Variants in PCNX1 observed in about 807,000 individuals in gnomAD.
The protein encoded by PCNX1 is pecanex-like protein 1.
In PCNX1, 78 loss-of-function variants were observed where a neutral mutation model predicts 242.2. That is an observed-to-expected ratio of 0.32 (90% CI 0.27 to 0.39). The LOEUF (loss-of-function observed/expected upper bound fraction) is 0.39. Ranked by LOEUF, PCNX1 falls within the 10% of genes least tolerant of loss-of-function variation. The pLI is 1.00. For missense variants in PCNX1, 2,581 were observed against 2,856.5 expected (o/e 0.90, Z 2.20); for synonymous variants, 1,024 against 1,032.9 (o/e 0.99, Z 0.17).
chr14:71,080,843 A>ATT (rs760015678), intron 28 of PCNX1, among the ~76,000 whole-genome samples: 46 of 152,132 alleles, frequency 3.0e-4, no homozygotes, highest in Admixed American at 1.2e-3. Context: ...CTCTCTTCCT[A>ATT]TTTAAATACC....
intron 30 of PCNX1, among the ~76,000 whole-genome samples, chr14:71,092,275 A>C (rs1278638119): frequency 1.3e-5 from 2 of 152,252 alleles, no homozygotes; most frequent in South Asian, 2.1e-4. Context: ...ATACCTTTTC[A>C]TCTCATGTTG....
intron 26 of PCNX1, among the ~76,000 whole-genome samples, chr14:71,063,935 G>A (rs2061384901): frequency 6.6e-6 from 1 of 151,990 alleles, no homozygotes; most frequent in Non-Finnish European, 1.5e-5. Flanking sequence ...AGAATTTTCT[G>A]ATTACACTTT....
intron 26 of PCNX1, among the ~76,000 whole-genome samples, chr14:71,066,593 C>G (rs868129312): frequency 2.0e-5 from 3 of 152,068 alleles, no homozygotes; most frequent in African/African-American, 4.8e-5. Context: ...ATTTAAATAC[C>G]CTTTATTTCT....
chr14:70,935,166 C>T (rs937552522), intron 1 of PCNX1, among the ~76,000 whole-genome samples: 3 of 152,148 alleles, frequency 2.0e-5, no homozygotes. Flanking sequence ...ATACAAGTAT[C>T]GTTCATCAGG....
rs144840810 is a variant in PCNX1 at position 71,062,476 on chromosome 14, A to C, written c.4852+4752A>C. On this transcript the variant is annotated intron_variant, in intron 26 of 35. Coordinates refer to ENST00000304743, the MANE Select transcript of PCNX1 (RefSeq NM_014982.3). ...TAAAACATTTTAAAATGTTTAAAAA[A>C]TTTTTTAACAAAAAAGTTTAAAAAT... Among the ~76,000 whole-genome samples, 46 of 151,974 alleles carry C rather than the reference A, an allele frequency of 3.0e-4. No homozygotes were observed. The South Asian group carries it at 9.5e-3, about 31-fold the overall frequency.
rs1267477679 is a variant in PCNX1, at chr14:70,927,563, TTCTC to T, written c.154-19346_154-19343del. On this transcript the variant is annotated intron_variant, in intron 1 of 35. Transcript: ENST00000304743. ...AGTTTATATATCTTATTGATTTTCA[TTCTC>T]TCTCTTTTATTTATTTATTTATTTA... Among the ~76,000 whole-genome samples, 5 of 152,022 alleles carry T rather than the reference TTCTC, an allele frequency of 3.3e-5. No individual in the cohort carries two copies. In the South Asian group the frequency reaches 8.3e-4, roughly 25 times the overall value.
chr14:71,106,239 C>T (rs1418667270), intron 33 of PCNX1, among the ~76,000 whole-genome samples: 13 of 151,998 alleles, frequency 8.6e-5, no homozygotes, highest in South Asian at 4.2e-4. Context: ...AGAATGGTCT[C>T]GATCTCCTGA....
At chr14:70,921,733 T>C (rs1487701502) in intron 1 of PCNX1, among the ~76,000 whole-genome samples, 2 of 152,194 alleles carry the variant, frequency 1.3e-5, no homozygotes, top group East Asian at 3.8e-4. Context: ...TTCATCTAGA[T>C]TCCACTATTA....
At chr14:70,968,563 A>G (rs984122907) in intron 4 of PCNX1, among the ~76,000 whole-genome samples, 4 of 152,204 alleles carry the variant, frequency 2.6e-5, no homozygotes, top group Non-Finnish European at 5.9e-5. Context: ...AAGTAATTTG[A>G]TGTGAAACCT....
In PCNX1 at chr14:71,034,397, TG is replaced by T. The variant is rs369529341; in HGVS notation, c.3774+362del. On this transcript the variant is annotated intron_variant, in intron 18 of 35. Coordinates refer to ENST00000304743, the MANE Select transcript of PCNX1 (RefSeq NM_014982.3). ...TTGTTGTTGTTGTTCATCTTGTTGT[TG>T]AAAAAAACTATGTCTCTGTAAGTCA... Among the ~76,000 whole-genome samples, 540 of 152,298 alleles carry T rather than the reference TG, an allele frequency of 3.5e-3. 1 individual carries two copies. The highest frequency in any genetic ancestry group is 0.013 in the African/African-American group (524 of 41,588).
chr14:71,101,957 C>T (rs770948596), intron 30 of PCNX1, 33 bp from the exon 31 acceptor site: 2 of 1,255,646 alleles, frequency 1.6e-6, no homozygotes, highest in Non-Finnish European at 2.2e-6. Context: ...TTTTATTTTC[C>T]TTTAAAAATT....
chr14:70,948,919 G>A (rs2057595926), intron 2 of PCNX1, among the ~76,000 whole-genome samples: 1 of 146,050 alleles, frequency 6.8e-6, no homozygotes. Context: ...ACGTATATAT[G>A]TGTATATATG....
At chr14:71,026,029 T>C (rs2060235120) in intron 13 of PCNX1, 88 bp from the exon 14 acceptor site, 2 of 727,372 alleles carry the variant, frequency 2.7e-6, no homozygotes, top group Non-Finnish European at 4.2e-6. Flanking sequence ...AAAGTTTGAA[T>C]CCTTAGAATA....
chr14:71,033,667 C>CA (rs2060453436), intron 17 of PCNX1, 129 bp downstream of exon 17: 1 of 598,048 alleles, frequency 1.7e-6, no homozygotes, highest in Non-Finnish European at 2.9e-6. Flanking sequence ...TATTAAGTTT[C>CA]AAAATATAAT....
At chr14:71,005,983 C>A (rs2059648128) in intron 8 of PCNX1, among the ~76,000 whole-genome samples, 1 of 148,618 alleles carries the variant, frequency 6.7e-6, no homozygotes, top group South Asian at 2.1e-4. Flanking sequence ...AGGGCGGTGG[C>A]ATGAACACAG....
Position 70,978,000 on chromosome 14 carries a change from T to G in PCNX1, c.1663T>G (p.Ser555Ala), listed in dbSNP as rs776163346. The G allele has an allele frequency of 8.5e-5, 137 of 1,614,002 alleles. 1 individual carries two copies. The highest frequency in any genetic ancestry group is 9.3e-6 in the Non-Finnish European group (11 of 1,180,020). The part of the protein sequence containing the change: ...KSSSVIHRTA[S>A]AHKSGRRRTG... ...TTCTAGCGTAATCCATCGGACAGCTTCTGCCCACAAGTCAGGCAGGAGACG... is the reference window on the plus strand; with the variant it reads ...TTCTAGCGTAATCCATCGGACAGCTGCTGCCCACAAGTCAGGCAGGAGACG... Residue 555 changes from serine (S) to alanine (A), a missense_variant, in exon 6 of 36, where the codon TCT (serine) becomes GCT (alanine). Around this residue, in one of 9 missense-constraint regions of PCNX1, gnomAD observed 1,204 missense variants for 1,216.7 expected, o/e 0.99. Transcript: ENST00000304743.
chr14:70,977,566 T>C lies in PCNX1; in HGVS notation c.1229T>C (p.Ile410Thr), dbSNP rs778381906. 12 of 1,614,088 alleles carry C rather than the reference T, an allele frequency of 7.4e-6. No individual in the cohort carries two copies. The highest frequency in any genetic ancestry group is 1.0e-5 in the Non-Finnish European group (12 of 1,180,018). The change falls in exon 6 of 36, where the codon ATA (isoleucine) becomes ACA (threonine). Residue 410 changes from isoleucine to threonine, a missense_variant. Ile to Thr is a moderately conservative substitution (Grantham distance 89). Coordinates refer to ENST00000304743, the MANE Select transcript of PCNX1 (RefSeq NM_014982.3). The stretch of plus-strand genomic sequence containing the variant: ...AGTGAGCAGACCAGCTCAACTCACA[T>C]AGAGAGCATCCTGTCAGAGCATGAG... The part of the protein sequence containing the change: ...YKSEQTSSTH[I>T]ESILSEHEES...
chr14:71,095,032 G>T (rs922793272), intron 30 of PCNX1, among the ~76,000 whole-genome samples: 1 of 152,148 alleles, frequency 6.6e-6, no homozygotes, highest in Non-Finnish European at 1.5e-5. Context: ...AGATCACCAC[G>T]ACCCAGAAAG....
rs3083307 is a variant in PCNX1, at chr14:71,003,080, C to CTTTTT, written c.2630-6538_2630-6534dup. Among the ~76,000 whole-genome samples the CTTTTT allele has an allele frequency of 4.5e-3, 425 of 95,424 alleles. 7 individuals are homozygous for CTTTTT. The highest frequency in any genetic ancestry group is 0.013 in the East Asian group (38 of 2,982). The allele number at this position is 95,424 out of a possible 152,430, so 62.6% of individuals were successfully genotyped here. A position where few individuals can be genotyped will look rare whatever the true frequency, so the allele number is the denominator to read the frequency against. On this transcript the variant is annotated intron_variant, in intron 8 of 35. Coordinates refer to ENST00000304743, the MANE Select transcript of PCNX1 (RefSeq NM_014982.3). ...TAAAAATCGGGTTGTTGGTTGTCTT[C>CTTTTT]TTTTTTTTTTTTTTTTTTTTGAGAC...
Sources: allele counts gnomAD v4.1 joint callset (sites outside exome capture counted in the v4.1 genomes callset), GRCh38; gene constraint gnomAD v4.1.1; regional missense constraint gnomAD v4.1.1; transcripts MANE v1.5; gene names NCBI Gene and HGNC (gene_info 2026-07-23, HGNC 2026-07-21).